The following CCSER1 variants were observed in gnomAD, a reference collection of about 807,000 sequenced individuals.
The protein encoded by CCSER1 is coiled-coil serine rich protein 1, also known as serine-rich coiled-coil domain-containing protein 1.
Under a neutral mutation model 82.0 loss-of-function variants are expected in CCSER1, and 41 were observed. That is an observed-to-expected ratio of 0.50 (90% CI 0.39 to 0.65). The LOEUF is 0.65. Among genes scored for constraint, CCSER1 ranks in the 30% least tolerant of loss-of-function variants. The pLI, the probability that CCSER1 is intolerant of heterozygous loss-of-function variation, is 0.00. For synonymous variants in CCSER1, 414 were observed against 383.9 expected (o/e 1.08, Z -0.92); for missense variants, 1,119 against 1,064.2 (o/e 1.05, Z -0.72).
chr4:90,757,225 A>G (rs1254240308), intron 7 of CCSER1, among the ~76,000 whole-genome samples: 1 of 152,190 alleles, frequency 6.6e-6, no homozygotes, highest in Non-Finnish European at 1.5e-5. Context: ...TATAAAATAG[A>G]GTAGGTGTTC....
At position 90,308,276 on chromosome 4, in the gene CCSER1, T is replaced by C; in HGVS notation, c.-9T>C. 1 of 1,557,462 alleles carries C rather than the reference T, an allele frequency of 6.4e-7. No homozygotes were observed. The highest frequency in any genetic ancestry group is 8.7e-7 in the Non-Finnish European group (1 of 1,152,198). On this transcript the variant is annotated 5_prime_UTR_variant, in exon 2 of 11. Transcript: ENST00000509176. ...AGTTGGCTTTCACAGTGCAAGCCTTTGATTCCCAATGGGGGACTCAGGATC... is the reference window on the plus strand; with the variant it reads ...AGTTGGCTTTCACAGTGCAAGCCTTCGATTCCCAATGGGGGACTCAGGATC...
intron 9 of CCSER1, among the ~76,000 whole-genome samples, chr4:91,024,250 T>G (rs1740287912): frequency 6.6e-6 from 1 of 152,154 alleles, no homozygotes; most frequent in East Asian, 1.9e-4. Flanking sequence ...CCATACCAAG[T>G]TTAGAAACTG....
At chr4:90,659,483 T>C (rs2149087779) in intron 6 of CCSER1, among the ~76,000 whole-genome samples, 1 of 152,204 alleles carries the variant, frequency 6.6e-6, no homozygotes, top group East Asian at 1.9e-4. Flanking sequence ...ATTGTATTAT[T>C]ATTTTTTCAT....
intron 1 of CCSER1, among the ~76,000 whole-genome samples, chr4:90,201,698 T>C (rs2153406246): frequency 6.6e-6 from 1 of 152,230 alleles, no homozygotes; most frequent in South Asian, 2.1e-4. Context: ...TAGGCTACTG[T>C]ATTGAACAGT....
At chr4:90,591,946 A>G (rs1782754142) in intron 5 of CCSER1, among the ~76,000 whole-genome samples, 1 of 152,150 alleles carries the variant, frequency 6.6e-6, no homozygotes, top group Non-Finnish European at 1.5e-5. Context: ...AGGAAACCAA[A>G]CACCACATGT....
chr4:91,057,691 A>G (rs959419789), intron 9 of CCSER1, among the ~76,000 whole-genome samples: 1 of 152,140 alleles, frequency 6.6e-6, no homozygotes, highest in African/African-American at 2.4e-5. Flanking sequence ...CATTTCATAG[A>G]GCTATTCCAA....
intron 5 of CCSER1, among the ~76,000 whole-genome samples, chr4:90,527,768 A>G (rs1414058596): frequency 6.6e-6 from 1 of 152,158 alleles, no homozygotes; most frequent in South Asian, 2.1e-4. Context: ...TACATCTTAT[A>G]TATCCTGCCT....
chr4:91,076,529 C>G (rs1437419251), intron 9 of CCSER1, among the ~76,000 whole-genome samples: 1 of 152,076 alleles, frequency 6.6e-6, no homozygotes, highest in East Asian at 1.9e-4. Flanking sequence ...GGTATTGAGG[C>G]TCTTAAAATA....
At chr4:91,222,466 C>T (rs1360437109) in intron 10 of CCSER1, among the ~76,000 whole-genome samples, 3 of 152,248 alleles carry the variant, frequency 2.0e-5, no homozygotes, top group East Asian at 3.9e-4. Flanking sequence ...TCTATAAGAA[C>T]TTATCTATTC....
At chr4:91,004,983 T>A (rs1333462670) in intron 9 of CCSER1, among the ~76,000 whole-genome samples, 1 of 152,196 alleles carries the variant, frequency 6.6e-6, no homozygotes, top group Non-Finnish European at 1.5e-5. Context: ...TTAGCAACTA[T>A]AAGTAGGACT....
At chr4:91,422,797 T>C (rs941409612) in intron 10 of CCSER1, among the ~76,000 whole-genome samples, 9 of 152,130 alleles carry the variant, frequency 5.9e-5, no homozygotes, top group African/African-American at 2.2e-4. Flanking sequence ...AATCAAAACA[T>C]ACACAACCTT....
chr4:91,508,166 T>G (rs971704768), intron 10 of CCSER1, among the ~76,000 whole-genome samples: 8 of 145,312 alleles, frequency 5.5e-5, no homozygotes, highest in African/African-American at 2.0e-4. Context: ...TTCTGGGTTT[T>G]TTTTTTTTTT....
chr4:90,379,285 G>A (rs1489366003), intron 3 of CCSER1, among the ~76,000 whole-genome samples: 2 of 152,128 alleles, frequency 1.3e-5, no homozygotes, highest in African/African-American at 2.4e-5. Flanking sequence ...CTGGACAGGG[G>A]AAGACAGTAT....
chr4:91,278,436 C>G (rs1009070401), intron 10 of CCSER1, among the ~76,000 whole-genome samples: 4 of 151,976 alleles, frequency 2.6e-5, no homozygotes, highest in Admixed American at 2.0e-4. Context: ...ATATAATGAG[C>G]CTTTTTGTCT....
chr4:90,512,960 C>A (rs886678256), intron 5 of CCSER1, among the ~76,000 whole-genome samples: 3 of 151,912 alleles, frequency 2.0e-5, no homozygotes, highest in Non-Finnish European at 2.9e-5. Context: ...TTCATATTAA[C>A]AAATGTTGAA....
intron 10 of CCSER1, among the ~76,000 whole-genome samples, chr4:91,577,862 CA>C (rs1763524269): frequency 1.3e-5 from 2 of 151,778 alleles, no homozygotes; most frequent in African/African-American, 4.8e-5. Flanking sequence ...TTTTGGTAAA[CA>C]AATTCATTTG....
chr4:90,801,374 T>A (rs1377919), intron 7 of CCSER1, among the ~76,000 whole-genome samples: 51,671 of 152,046 alleles, frequency 0.34, 8,992 homozygotes, highest in African/African-American at 0.42. Context: ...AACATAGTTT[T>A]GTACAAAGGA....
intron 1 of CCSER1, among the ~76,000 whole-genome samples, chr4:90,128,203 C>T (rs1443813482): frequency 6.6e-6 from 1 of 152,100 alleles, no homozygotes; most frequent in Non-Finnish European, 1.5e-5. Flanking sequence ...CCTTCCTCGC[C>T]ACTCGCGTCC....
In CCSER1 at chr4:90,495,685, A is replaced by T. The variant is rs574010033; in HGVS notation, c.1724+27331A>T. Reference sequence around the variant, plus strand: ...GATTTATAGATTATATCATAATGTCATTTATTTTTAGTGACAGTTCTGTGA... The same window carrying T: ...GATTTATAGATTATATCATAATGTCTTTTATTTTTAGTGACAGTTCTGTGA... On this transcript the variant is annotated intron_variant, in intron 5 of 10. Transcript: ENST00000509176. Among the ~76,000 whole-genome samples, 6 of 152,314 alleles carry T rather than the reference A, an allele frequency of 3.9e-5. No individual in the cohort carries two copies. In the South Asian group the frequency reaches 1.2e-3, roughly 32 times the overall value.
Sources: allele counts gnomAD v4.1 joint callset (sites outside exome capture counted in the v4.1 genomes callset), GRCh38; gene constraint gnomAD v4.1.1; transcripts MANE v1.5; gene names NCBI Gene and HGNC (gene_info 2026-07-23, HGNC 2026-07-21).